The following WIPF2 variants were observed in gnomAD, a reference collection of about 807,000 sequenced individuals.
WIPF2 encodes WAS/WASL interacting protein family member 2, also known as WAS/WASL-interacting protein family member 2.
A neutral mutation model predicts 38.8 loss-of-function variants in WIPF2; 23 were observed. The observed-to-expected ratio is 0.59, with a 90% CI of 0.43 to 0.84. The LOEUF (loss-of-function observed/expected upper bound fraction) is 0.84. Ranked by LOEUF, WIPF2 falls within the 40% of genes least tolerant of loss-of-function variation. The pLI, the probability that WIPF2 is intolerant of heterozygous loss-of-function variation, is 0.00. For synonymous variants in WIPF2, 210 were observed against 223.2 expected (o/e 0.94, Z 0.53); for missense variants, 574 against 580.5 (o/e 0.99, Z 0.11).
chr17:40,274,558 A>G (rs1255570834), intron 6 of WIPF2, among the ~76,000 whole-genome samples: 44 of 77,784 alleles, frequency 5.7e-4, no homozygotes, highest in East Asian at 3.2e-3. Flanking sequence ...GGAATTCTTG[A>G]AAAAAAAAAA....
chr17:40,277,536 C>T (rs1016434188), intron 7 of WIPF2, among the ~76,000 whole-genome samples: 1 of 152,046 alleles, frequency 6.6e-6, no homozygotes, highest in African/African-American at 2.4e-5. Flanking sequence ...AAAAGATTAG[C>T]TGGGCGTGGT....
At chr17:40,253,757 G>C (rs1417891797) in intron 1 of WIPF2, among the ~76,000 whole-genome samples, 2 of 152,176 alleles carry the variant, frequency 1.3e-5, no homozygotes, top group African/African-American at 4.8e-5. Context: ...AAATAGCTCT[G>C]TTGGGCAGCC....
At chr17:40,231,645 G>C (rs2145291807) in intron 1 of WIPF2, among the ~76,000 whole-genome samples, 1 of 152,040 alleles carries the variant, frequency 6.6e-6, no homozygotes, top group African/African-American at 2.4e-5. Context: ...GGCTGGTCTT[G>C]AACTCCTGAC....
At chr17:40,236,512 G>A (rs2030975223) in intron 1 of WIPF2, among the ~76,000 whole-genome samples, 1 of 149,714 alleles carries the variant, frequency 6.7e-6, no homozygotes, top group East Asian at 2.0e-4. Flanking sequence ...TGCCATATCA[G>A]CCAGGCTGGT....
intron 2 of WIPF2, among the ~76,000 whole-genome samples, chr17:40,260,280 T>C (rs185795308): frequency 1.4e-5 from 2 of 139,844 alleles, no homozygotes; most frequent in East Asian, 4.3e-4. Context: ...CTCCACCTCC[T>C]GGGTTCAAGC....
Position 40,282,458 on chromosome 17 carries a change from CGCGTGTGCGTGTGTGT to C in WIPF2, c.*4235_*4250del, listed in dbSNP as rs1555565687. The C allele has an allele frequency of 6.6e-6, 1 of 151,676 alleles. No individual in the cohort carries two copies. The highest frequency in any genetic ancestry group is 1.5e-5 in the Non-Finnish European group (1 of 68,040). 9.4% of individuals were successfully genotyped at this position (151,676 alleles called of 1,614,324 possible). On this transcript the variant is annotated 3_prime_UTR_variant, in exon 8 of 8. Coordinates refer to ENST00000323571, the MANE Select transcript of WIPF2 (RefSeq NM_133264.5). ...CTAGAATGACACGTGTGCGTGCGCACGCGTGTGCGTGTGTGTGTTCATCTGTCTGCATGTGGATCAA... is the reference window on the plus strand; with the variant it reads ...CTAGAATGACACGTGTGCGTGCGCACGTTCATCTGTCTGCATGTGGATCAA...
At chr17:40,252,329 G>GGA (rs2145352843) in intron 1 of WIPF2, among the ~76,000 whole-genome samples, 1 of 152,206 alleles carries the variant, frequency 6.6e-6, no homozygotes, top group Non-Finnish European at 1.5e-5. Flanking sequence ...GGTCATTCTA[G>GGA]GAGATCCTTT....
At chr17:40,220,573 G>GTA (rs762889347) in intron 1 of WIPF2, 799 of 76,900 alleles carry the variant, frequency 0.01, 5 homozygotes, top group Non-Finnish European at 0.013. Context: ...GTGTGTGTGT[G>GTA]TATATATATA....
intron 1 of WIPF2, among the ~76,000 whole-genome samples, chr17:40,254,045 C>G (rs969322462): frequency 6.7e-6 from 1 of 149,350 alleles, no homozygotes; most frequent in Non-Finnish European, 1.5e-5. Flanking sequence ...GAGACAGAGT[C>G]TCACTCTGTC....
Position 40,232,800 on chromosome 17 carries a change from G to A in WIPF2, c.-70+13308G>A, listed in dbSNP as rs1483507123. The stretch of plus-strand genomic sequence containing the variant: ...ATTACAGGCATGCGCCACCATGCCC[G>A]GCTAATTTTGCATTTTTAGTAGAGA... On this transcript the variant is annotated intron_variant, in intron 1 of 7. Transcript: ENST00000323571. Among the ~76,000 whole-genome samples the A allele has an allele frequency of 3.3e-5, 5 of 151,084 alleles. No individual in the cohort carries two copies. In the East Asian group the frequency reaches 7.9e-4, roughly 24 times the overall value.
In WIPF2 at chr17:40,282,868, C is replaced by T. The variant is rs1213152774; in HGVS notation, c.*4643C>T. The T allele has an allele frequency of 6.6e-6, 1 of 152,096 alleles. No homozygotes were observed. The highest frequency in any genetic ancestry group is 1.5e-5 in the Non-Finnish European group (1 of 68,074). The allele number at this position is 152,096 out of a possible 1,614,324, so 9.4% of individuals were successfully genotyped here. Reference sequence around the variant, plus strand: ...TAGCTTTCTGAGGGTCTTCTCTCCTCCTCTCCAGCTGTATTTTGAAAATTA... The same window carrying T: ...TAGCTTTCTGAGGGTCTTCTCTCCTTCTCTCCAGCTGTATTTTGAAAATTA... On this transcript the variant is annotated 3_prime_UTR_variant, in exon 8 of 8. Transcript: ENST00000323571.
chr17:40,255,459 GGGA>G (rs1416390100), intron 1 of WIPF2, among the ~76,000 whole-genome samples: 1 of 151,786 alleles, frequency 6.6e-6, no homozygotes, highest in African/African-American at 2.4e-5. Context: ...CCGAGTAGCT[GGGA>G]TTACAGGCAT....
chr17:40,262,661 C>T lies in WIPF2; in HGVS notation c.313+20C>T. The T allele has an allele frequency of 6.3e-7, 1 of 1,594,958 alleles. No homozygotes were observed. Among genetic ancestry groups the T allele is most frequent in the Non-Finnish European group, 8.6e-7 (1 of 1,163,214 alleles). On this transcript the variant is annotated intron_variant, in intron 4 of 7. Coordinates refer to ENST00000323571, the MANE Select transcript of WIPF2 (RefSeq NM_133264.5). ...GTTCAGGTATCTGATGAGTACTTTC[C>T]CAGGGTATTTCCCTGGTGTGTTAAT...
At chr17:40,223,647 T>C (rs2030349983) in intron 1 of WIPF2, among the ~76,000 whole-genome samples, 1 of 148,258 alleles carries the variant, frequency 6.7e-6, no homozygotes, top group African/African-American at 2.5e-5. Flanking sequence ...TTGCCCAGGC[T>C]GGAGTGCAAT....
chr17:40,223,297 C>T (rs1462209956), intron 1 of WIPF2, among the ~76,000 whole-genome samples: 1 of 151,918 alleles, frequency 6.6e-6, no homozygotes. Flanking sequence ...GCATGTGCCA[C>T]CTGGCTAATT....
chr17:40,267,554 T>G (rs907905972), intron 5 of WIPF2, among the ~76,000 whole-genome samples: 2 of 152,146 alleles, frequency 1.3e-5, no homozygotes, highest in African/African-American at 4.8e-5. Context: ...TTTGTTTGTG[T>G]TTTGAGACAG....
In WIPF2 at chr17:40,232,179, ATTTTTTT is replaced by A. The variant is rs752876006; in HGVS notation, c.-70+12709_-70+12715del. ...AGGCACATGCCACCATGCCTGGCTA[ATTTTTTT>A]TTTTTTTTTTTTTTTTTTTTTGAGA... On this transcript the variant is annotated intron_variant, in intron 1 of 7. Coordinates refer to ENST00000323571, the MANE Select transcript of WIPF2 (RefSeq NM_133264.5). Among the ~76,000 whole-genome samples the A allele has an allele frequency of 2.5e-3, 189 of 76,044 alleles. 2 individuals carry two copies. Among genetic ancestry groups the A allele is most frequent in the African/African-American group, 0.012 (169 of 14,498 alleles). 49.9% of individuals were successfully genotyped at this position (76,044 alleles called of 152,430 possible).
At chr17:40,224,083 T>C (rs1225162815) in intron 1 of WIPF2, among the ~76,000 whole-genome samples, 1 of 151,840 alleles carries the variant, frequency 6.6e-6, no homozygotes, top group East Asian at 1.9e-4. Context: ...TATTTGGGAG[T>C]AAAAACCTGC....
At chr17:40,223,622 C>T (rs1445758598) in intron 1 of WIPF2, among the ~76,000 whole-genome samples, 3 of 122,248 alleles carry the variant, frequency 2.5e-5, no homozygotes, top group South Asian at 5.3e-4. Context: ...TTTTTTGAGA[C>T]GGAGTCTCGC....
Sources: allele counts gnomAD v4.1 joint callset (sites outside exome capture counted in the v4.1 genomes callset), GRCh38; gene constraint gnomAD v4.1.1; transcripts MANE v1.5; gene names NCBI Gene and HGNC (gene_info 2026-07-23, HGNC 2026-07-21).